PELI2: variants seen among roughly 807,000 people sequenced by gnomAD.
PELI2 encodes E3 ubiquitin-protein ligase pellino homolog 2.
PELI2 carries 23 observed loss-of-function variants against 42.3 expected under a neutral mutation model. The observed-to-expected ratio is 0.54, with a 90% CI of 0.39 to 0.77. PELI2 has a LOEUF of 0.77. Among genes scored for constraint, PELI2 ranks in the 30% least tolerant of loss-of-function variants. The probability of loss-of-function intolerance (pLI) is 0.00; values close to 1 mark genes in which losing one functional copy is unlikely to be tolerated. For synonymous variants in PELI2, 245 were observed against 212.2 expected (o/e 1.15, Z -1.34); for missense variants, 463 against 553.2 (o/e 0.84, Z 1.64).
In PELI2 at chr14:56,298,360, A is replaced by T. The variant is rs1199820134; in HGVS notation, c.*1194A>T. ...GTTGCTGAGGAATAATTAAATGAGAATTTCATAGGAGCTCCACCATTCCTG... is the reference window on the plus strand; with the variant it reads ...GTTGCTGAGGAATAATTAAATGAGATTTTCATAGGAGCTCCACCATTCCTG... On this transcript the variant is annotated 3_prime_UTR_variant, in exon 6 of 6. Transcript: ENST00000267460. 3 of 152,402 alleles carry T rather than the reference A, an allele frequency of 2.0e-5. No individual in the cohort carries two copies. The highest frequency in any genetic ancestry group is 4.4e-5 in the Non-Finnish European group (3 of 68,044). The allele number at this position is 152,402 out of a possible 1,614,324, so 9.4% of individuals were successfully genotyped here.
chr14:56,250,996 C>T (rs1385916843), intron 2 of PELI2, among the ~76,000 whole-genome samples: 1 of 151,896 alleles, frequency 6.6e-6, no homozygotes, highest in Non-Finnish European at 1.5e-5. Context: ...AGCCTGACCC[C>T]CTGGGGAGCT....
chr14:56,246,610 C>T (rs1374394955), intron 2 of PELI2, among the ~76,000 whole-genome samples: 3 of 152,114 alleles, frequency 2.0e-5, no homozygotes, highest in Non-Finnish European at 2.9e-5. Flanking sequence ...GCAGTGTTTA[C>T]GGACGTAGGC....
intron 3 of PELI2, among the ~76,000 whole-genome samples, chr14:56,285,110 G>A (rs1279295097): frequency 6.6e-6 from 1 of 152,208 alleles, no homozygotes; most frequent in African/African-American, 2.4e-5. Flanking sequence ...TCAAACTACT[G>A]TATGGAAAAG....
At chr14:56,162,443 T>A (rs1884798488) in intron 1 of PELI2, among the ~76,000 whole-genome samples, 1 of 152,194 alleles carries the variant, frequency 6.6e-6, no homozygotes, top group Admixed American at 6.5e-5. Flanking sequence ...AATAACTGGA[T>A]CTTATTTCCT....
At chr14:56,232,287 C>T (rs878889496) in intron 2 of PELI2, among the ~76,000 whole-genome samples, 2 of 152,068 alleles carry the variant, frequency 1.3e-5, no homozygotes, top group Non-Finnish European at 1.5e-5. Context: ...GATGCCAAAG[C>T]CAGGCAGAGA....
intron 1 of PELI2, among the ~76,000 whole-genome samples, chr14:56,126,238 T>G (rs1417605411): frequency 2.0e-5 from 3 of 152,192 alleles, no homozygotes; most frequent in African/African-American, 7.2e-5. Context: ...GTTGAAAGGC[T>G]GTGGTCATTA....
intron 2 of PELI2, among the ~76,000 whole-genome samples, chr14:56,227,643 G>A (rs542332032): frequency 6.6e-6 from 1 of 152,166 alleles, no homozygotes. Context: ...GTTTGCTGGC[G>A]AAGCCTGGGA....
At chr14:56,174,056 C>CA (rs1885278203) in intron 1 of PELI2, among the ~76,000 whole-genome samples, 1 of 152,166 alleles carries the variant, frequency 6.6e-6, no homozygotes, top group Non-Finnish European at 1.5e-5. Context: ...CATGTGCTAT[C>CA]ATGCCCAGCT....
intron 2 of PELI2, among the ~76,000 whole-genome samples, chr14:56,249,970 C>T (rs1407176215): frequency 6.6e-6 from 1 of 152,180 alleles, no homozygotes; most frequent in Non-Finnish European, 1.5e-5. Flanking sequence ...AAGTGTTTCA[C>T]ACAGGGAGCA....
intron 1 of PELI2, among the ~76,000 whole-genome samples, chr14:56,140,581 C>T (rs903927971): frequency 3.3e-5 from 5 of 152,200 alleles, no homozygotes; most frequent in Non-Finnish European, 5.9e-5. Context: ...GAGTTATATG[C>T]AGATGCCATA....
chr14:56,220,802 A>T (rs1037670497), intron 2 of PELI2, among the ~76,000 whole-genome samples: 8 of 152,182 alleles, frequency 5.3e-5, no homozygotes, highest in African/African-American at 1.9e-4. Flanking sequence ...AGTAGGAAGG[A>T]GGAAATGCCG....
rs540590829 is a variant in PELI2, at chr14:56,131,244, C to G, written c.77+12507C>G. Among the ~76,000 whole-genome samples, 3 of 152,286 alleles carry G rather than the reference C, an allele frequency of 2.0e-5. No individual in the cohort carries two copies. In the South Asian group the frequency reaches 6.2e-4, roughly 32 times the overall value. ...TTATTGTATTAGCTTAGACCAGGTG[C>G]CAGCTCTAAGGCTTTGATGAAACTC... On this transcript the variant is annotated intron_variant, in intron 1 of 5. Coordinates refer to ENST00000267460, the MANE Select transcript of PELI2 (RefSeq NM_021255.3).
chr14:56,171,830 A>G (rs1228904474), intron 1 of PELI2, among the ~76,000 whole-genome samples: 2 of 152,166 alleles, frequency 1.3e-5, no homozygotes, highest in East Asian at 3.9e-4. Flanking sequence ...AGCCTGGCCA[A>G]TATGGCGAAA....
intron 2 of PELI2, among the ~76,000 whole-genome samples, chr14:56,187,665 C>T (rs1265255297): frequency 6.6e-6 from 1 of 152,162 alleles, no homozygotes; most frequent in African/African-American, 2.4e-5. Context: ...GTACTTTATC[C>T]TCTTTGAAGT....
At chr14:56,258,671 C>T (rs935294658) in intron 2 of PELI2, among the ~76,000 whole-genome samples, 2 of 150,512 alleles carry the variant, frequency 1.3e-5, no homozygotes, top group African/African-American at 4.9e-5. Flanking sequence ...TAGGAAGTTC[C>T]AATATGGGGC....
Position 56,288,430 on chromosome 14 carries a change from T to G in PELI2, c.310-7T>G. 6.2e-7 allele frequency: 1 copy of G among 1,609,170 alleles called. No homozygotes were observed. The stretch of plus-strand genomic sequence containing the variant: ...AAGTGAATCACGAGTACATTTGATT[T>G]ACTTAGGTGGGCAGATCAACAGAAA... On this transcript the variant is annotated splice_polypyrimidine_tract_variant and splice_region_variant and intron_variant, in intron 3 of 5. Transcript: ENST00000267460. This position sits in a 1 kb window ranked among gnomAD's most constrained non-coding sequence, Gnocchi z 4.6.
intron 5 of PELI2, among the ~76,000 whole-genome samples, chr14:56,294,699 C>T (rs1889941782): frequency 6.6e-6 from 1 of 152,162 alleles, no homozygotes; most frequent in South Asian, 2.1e-4. Context: ...GATAACATCC[C>T]AGATATGTTT....
intron 2 of PELI2, among the ~76,000 whole-genome samples, chr14:56,216,171 A>G (rs1886899562): frequency 6.7e-6 from 1 of 148,580 alleles, no homozygotes; most frequent in African/African-American, 2.4e-5. Context: ...TACCCATGAA[A>G]TCATCTTTTA....
intron 2 of PELI2, among the ~76,000 whole-genome samples, chr14:56,201,579 A>G (rs1333238229): frequency 1.3e-5 from 2 of 152,216 alleles, no homozygotes; most frequent in Admixed American, 6.5e-5. Context: ...TTCCCTATAT[A>G]TTATGGATGA....
Sources: allele counts gnomAD v4.1 joint callset (sites outside exome capture counted in the v4.1 genomes callset), GRCh38; gene constraint gnomAD v4.1.1; non-coding constraint Gnocchi (gnomAD v3.1); transcripts MANE v1.5; gene names NCBI Gene and HGNC (gene_info 2026-07-23, HGNC 2026-07-21).